Variants in ARHGAP9 observed in about 807,000 individuals in gnomAD.
ARHGAP9 encodes the protein rho GTPase-activating protein 9.
Under a neutral mutation model 87.3 loss-of-function variants are expected in ARHGAP9, and 76 were observed. The observed-to-expected ratio is 0.87, with a 90% CI of 0.72 to 1.05. ARHGAP9 has a LOEUF of 1.05. ARHGAP9 is among the 50% of genes least tolerant of loss of function. ARHGAP9 has a pLI of 0.00. For synonymous variants in ARHGAP9, 382 were observed against 394.9 expected, an observed-to-expected ratio of 0.97 and a Z score of 0.39; for missense variants, 941 against 960.5, an observed-to-expected ratio of 0.98 and a Z score of 0.27.
intron 3 of ARHGAP9, 30 bp from the exon 4 acceptor site, chr12:57,477,710 T>C (rs1358668235): frequency 1.9e-6 from 3 of 1,606,926 alleles, no homozygotes; most frequent in Middle Eastern, 3.3e-4. Context: ...AAGGAGGTGG[T>C]CATTCTGCCT....
At chr12:57,482,633 A>C (rs1273109683), upstream of ARHGAP9, among the ~76,000 whole-genome samples, 1 of 151,994 alleles carries the variant, frequency 6.6e-6, no homozygotes, top group Non-Finnish European at 1.5e-5. Context: ...TGAACCTGGG[A>C]AGTTGAGGCT....
intron 1 of ARHGAP9, among the ~76,000 whole-genome samples, chr12:57,485,245 C>G (rs1330817361): frequency 1.3e-5 from 2 of 152,036 alleles, no homozygotes; most frequent in African/African-American, 4.8e-5. Context: ...CCACGCCCAG[C>G]CTCTTGGCTA....
Position 57,476,922 on chromosome 12 carries a change from A to T in ARHGAP9, c.912T>A (p.Pro304=). The T allele has an allele frequency of 6.2e-7, 1 of 1,613,072 alleles. No homozygotes were observed. Among genetic ancestry groups the T allele is most frequent in the African/African-American group, 1.3e-5 (1 of 74,714 alleles). The change falls in exon 6 of 18, where the codon CCT becomes CCA. Residue 304 remains proline (P), a synonymous_variant. Transcript: ENST00000393791. Reference sequence around the variant, plus strand: ...GAGGTCGAGGGGCCTGCAAGGCTGGAGGGTCAAGCTGCGAGGTGCGTTGGC... The same window carrying T: ...GAGGTCGAGGGGCCTGCAAGGCTGGTGGGTCAAGCTGCGAGGTGCGTTGGC... ...SLSQRTSQLD[P]PALQAPRPLP...
chr12:57,473,857 T>C, intron 16 of ARHGAP9, 149 bp from the exon 17 acceptor site: 2 of 1,209,802 alleles, frequency 1.7e-6, no homozygotes, highest in Non-Finnish European at 2.3e-6. Context: ...TATAGCCTCA[T>C]AATTCTTTTC....
chr12:57,472,460 C>A lies in ARHGAP9; in HGVS notation c.*57G>T. 6.4e-7 allele frequency: 1 copy of A among 1,568,014 alleles called. No homozygotes were observed. The highest frequency in any genetic ancestry group is 1.2e-5 in the South Asian group (1 of 84,662). On this transcript the variant is annotated 3_prime_UTR_variant, in exon 18 of 18. Coordinates refer to ENST00000393791, the MANE Select transcript of ARHGAP9 (RefSeq NM_032496.4). ...AAGGGATATCCTCAAAACAGAACAC[C>A]AGCCTCTCACCACCAGAGATGACCG...
chr12:57,486,057 T>C (rs1218433048), intron 1 of ARHGAP9, among the ~76,000 whole-genome samples: 1 of 152,202 alleles, frequency 6.6e-6, no homozygotes, highest in East Asian at 1.9e-4. Flanking sequence ...CAAAACTTCT[T>C]ATGGCCTAGC....
chr12:57,475,072 G>T, intron 12 of ARHGAP9, 99 bp from the exon 13 acceptor site: 1 of 1,315,462 alleles, frequency 7.6e-7, no homozygotes, highest in Non-Finnish European at 1.1e-6. Flanking sequence ...GGTCCTCCTG[G>T]CTGCCTGTGC....
intron 1 of ARHGAP9, among the ~76,000 whole-genome samples, chr12:57,486,785 T>C (rs1875446401): frequency 6.8e-6 from 1 of 146,250 alleles, no homozygotes; most frequent in African/African-American, 2.5e-5. Context: ...CTCGGGAGGC[T>C]GAGGCAGGAG....
At chr12:57,474,227 A>G in intron 15 of ARHGAP9, 51 bp from the exon 16 acceptor site, 2 of 1,594,640 alleles carry the variant, frequency 1.3e-6, no homozygotes, top group Non-Finnish European at 1.7e-6. Flanking sequence ...AAAGATTTAG[A>G]GACTGAGAGA....
At chr12:57,477,050 G>A (rs1435146420) in intron 5 of ARHGAP9, 87 bp from the exon 6 acceptor site, 1 of 1,503,832 alleles carries the variant, frequency 6.6e-7, no homozygotes, top group South Asian at 1.1e-5. Flanking sequence ...GGATACGGGT[G>A]AGAGGTGGGG....
At chr12:57,488,644 C>T (rs961504940) in exon 1 of ARHGAP9, 1 of 1,550,946 alleles carries the variant, frequency 6.4e-7, no homozygotes, top group Non-Finnish European at 8.7e-7. Flanking sequence ...GTTTGGGTGA[C>T]TCTTAGGAGG....
chr12:57,488,062 G>A, intron 1 of ARHGAP9: 5 of 1,597,304 alleles, frequency 3.1e-6, no homozygotes, highest in South Asian at 1.1e-5. Flanking sequence ...GGCCGGTTCC[G>A]GTTGCATCAG....
At chr12:57,485,366 G>T (rs1245217189) in intron 1 of ARHGAP9, among the ~76,000 whole-genome samples, 1 of 150,126 alleles carries the variant, frequency 6.7e-6, no homozygotes, top group Non-Finnish European at 1.5e-5. Context: ...GACCAGCCTG[G>T]CCAACATGAT....
chr12:57,472,336 G>C lies in ARHGAP9; in HGVS notation c.*181C>G. ...AACAGGGAACAAGAAGAGAAGCAGG[G>C]GTTAATCCACTCACTTTCCTCTTTA... On this transcript the variant is annotated 3_prime_UTR_variant, in exon 18 of 18. Coordinates refer to ENST00000393791, the MANE Select transcript of ARHGAP9 (RefSeq NM_032496.4). The C allele has an allele frequency of 1.4e-6, 1 of 697,708 alleles. No homozygotes were observed. 43.2% of individuals were successfully genotyped at this position (697,708 alleles called of 1,614,324 possible). A position where few individuals can be genotyped will look rare whatever the true frequency, so the allele number is the denominator to read the frequency against.
Position 57,474,981 on chromosome 12 carries a change from A to G in ARHGAP9, c.1553-8T>C, listed in dbSNP as rs762791620. 7.4e-6 allele frequency: 12 copies of G among 1,613,168 alleles called. No individual in the cohort carries two copies. On this transcript the variant is annotated splice_region_variant and splice_polypyrimidine_tract_variant and intron_variant, in intron 12 of 17. Transcript: ENST00000393791. ...GGCAGCCGAACACCTGGTCTGGGGA[A>G]GTAGAGTGAGGCGGGAAGCCAGTGC...
intron 1 of ARHGAP9, chr12:57,488,384 A>G: frequency 1.4e-6 from 1 of 711,596 alleles, no homozygotes; most frequent in South Asian, 1.8e-5. Flanking sequence ...TCCTTTAATT[A>G]CCCTCAATAT....
At position 57,476,103 on chromosome 12, in the gene ARHGAP9, G is replaced by A; in HGVS notation, c.1180C>T (p.Arg394Cys). 6.5e-7 allele frequency: 1 copy of A among 1,539,506 alleles called. No homozygotes were observed. Among genetic ancestry groups the A allele is most frequent in the Non-Finnish European group, 8.7e-7 (1 of 1,143,540 alleles). Residue 394 changes from arginine to cysteine, a missense_variant, in exon 9 of 18, where the codon CGC becomes TGC. Transcript: ENST00000393791. ...ACGTTGCGGCGGCTGGACAGGTGGC[G>A]GCCGTGCGCCAGGGCCGCCCCGCGC... The part of the protein sequence containing the change: ...DLRGAALAHG[R>C]HLSSRRNVLH...
At chr12:57,474,566 C>A in intron 14 of ARHGAP9, 60 bp downstream of exon 14, 3 of 1,612,312 alleles carry the variant, frequency 1.9e-6, no homozygotes, top group South Asian at 2.2e-5. Context: ...CATGTAGGAC[C>A]GCCCATGGTT....
At position 57,476,441 on chromosome 12, in the gene ARHGAP9, G is replaced by A. The variant is rs761543831; in HGVS notation, c.1039C>T (p.Pro347Ser). ...GGRKLRKNWG[P>S]SWVVLTGNSL... Reference sequence around the variant, plus strand: ...TTACCCGTTAACACCACCCAAGACGGGCCCCAGTTCTTCCTGCGGGGACAG... The same window carrying A: ...TTACCCGTTAACACCACCCAAGACGAGCCCCAGTTCTTCCTGCGGGGACAG... Residue 347 changes from proline to serine, a missense_variant, in exon 8 of 18, where the codon CCG becomes TCG. By Grantham distance (74) the Pro-to-Ser change is moderately conservative. Coordinates refer to ENST00000393791, the MANE Select transcript of ARHGAP9 (RefSeq NM_032496.4). 1 of 1,614,082 alleles carries A rather than the reference G, an allele frequency of 6.2e-7. No homozygotes were observed. Among genetic ancestry groups the A allele is most frequent in the Admixed American group, 1.7e-5 (1 of 60,024 alleles).
Sources: gnomAD v4.1 joint callset for allele counts (sites outside exome capture counted in the v4.1 genomes callset) on GRCh38, gnomAD v4.1.1 for gene constraint, MANE v1.5 for transcripts, NCBI Gene and HGNC (gene_info 2026-07-23, HGNC 2026-07-21) for gene names.